The following CR1L variants were observed in gnomAD, a reference collection of about 807,000 sequenced individuals.
The protein encoded by CR1L is complement component receptor 1-like protein.
Under a neutral mutation model 62.3 loss-of-function variants are expected in CR1L, and 59 were observed. The observed-to-expected ratio is 0.95, with a 90% CI of 0.77 to 1.18. The LOEUF (loss-of-function observed/expected upper bound fraction) is 1.18, where lower values mean the gene tolerates loss of function less well. Among genes scored for constraint, CR1L ranks in the 50% most tolerant of loss-of-function variants. The pLI is 0.00. For synonymous variants in CR1L, 279 were observed against 248.7 expected, an observed-to-expected ratio of 1.12 and a Z score of -1.15; for missense variants, 700 against 702.8, an observed-to-expected ratio of 1.00 and a Z score of 0.04.
At chr1:207,695,991 G>A (rs1664096439) in intron 5 of CR1L, among the ~76,000 whole-genome samples, 1 of 152,186 alleles carries the variant, frequency 6.6e-6, no homozygotes, top group African/African-American at 2.4e-5. Flanking sequence ...GGGACACAGA[G>A]ACAAACCATA....
chr1:207,660,453 G>C (rs1663402326), intron 1 of CR1L, among the ~76,000 whole-genome samples: 1 of 152,204 alleles, frequency 6.6e-6, no homozygotes, highest in African/African-American at 2.4e-5. Flanking sequence ...CTGTTAGAAG[G>C]AAAACAAAGA....
At chr1:207,712,977 G>A (rs907084838) in intron 10 of CR1L, among the ~76,000 whole-genome samples, 1 of 152,288 alleles carries the variant, frequency 6.6e-6, no homozygotes, top group Admixed American at 6.5e-5. Flanking sequence ...ATTAATTTAT[G>A]GAAGGGTAGT....
intron 1 of CR1L, among the ~76,000 whole-genome samples, chr1:207,660,922 C>T (rs150948215): frequency 1.5e-3 from 223 of 152,254 alleles, no homozygotes; most frequent in African/African-American, 4.9e-3. Context: ...CATTCAGGAG[C>T]GGGTTGTTCA....
rs149550502 is a variant in CR1L at position 207,716,777 on chromosome 1, T to C, written c.1415-687T>C. On this transcript the variant is annotated intron_variant, in intron 10 of 11. Coordinates refer to ENST00000508064, the MANE Select transcript of CR1L (RefSeq NM_175710.2). ...GTCTTTTATGTACACATAATTCCGATAAACTTGGGTATCTCTTCCTAAATT... is the reference window on the plus strand; with the variant it reads ...GTCTTTTATGTACACATAATTCCGACAAACTTGGGTATCTCTTCCTAAATT... Among the ~76,000 whole-genome samples the C allele has an allele frequency of 5.8e-3, 877 of 152,316 alleles. 6 individuals are homozygous for C. Among genetic ancestry groups the C allele is most frequent in the Non-Finnish European group, 8.0e-3 (546 of 68,018 alleles).
At chr1:207,669,918 C>G (rs996355425) in intron 1 of CR1L, among the ~76,000 whole-genome samples, 6 of 151,132 alleles carry the variant, frequency 4.0e-5, no homozygotes, top group Non-Finnish European at 4.4e-5. Flanking sequence ...CCTAGCGAAA[C>G]GGGACTTGGG....
At chr1:207,685,832 G>C (rs550762886) in intron 4 of CR1L, among the ~76,000 whole-genome samples, 8 of 152,164 alleles carry the variant, frequency 5.3e-5, no homozygotes, top group Non-Finnish European at 8.8e-5. Flanking sequence ...CTTTCAGAGT[G>C]GAATGGCTGT....
At chr1:207,715,662 G>A (rs988370205) in intron 10 of CR1L, among the ~76,000 whole-genome samples, 2 of 151,210 alleles carry the variant, frequency 1.3e-5, no homozygotes, top group Non-Finnish European at 3.0e-5. Context: ...GCACATTTTA[G>A]TCAGTCATTT....
intron 1 of CR1L, among the ~76,000 whole-genome samples, chr1:207,647,969 G>A (rs537424013): frequency 1.2e-3 from 189 of 152,166 alleles, no homozygotes; most frequent in African/African-American, 3.7e-3. Context: ...TACAGCCTGG[G>A]CATCATAAGG....
chr1:207,666,569 GA>G (rs1663526708), intron 1 of CR1L, among the ~76,000 whole-genome samples: 1 of 152,194 alleles, frequency 6.6e-6, no homozygotes, highest in African/African-American at 2.4e-5. Context: ...GATGGATCTA[GA>G]GGCCATTATC....
chr1:207,648,610 CTCAT>C (rs1290520041), intron 1 of CR1L, among the ~76,000 whole-genome samples: 1 of 152,194 alleles, frequency 6.6e-6, no homozygotes, highest in South Asian at 2.1e-4. Flanking sequence ...TCAGGCCAGT[CTCAT>C]TCATTCCTCC....
At chr1:207,677,827 T>G (rs936671398) in intron 2 of CR1L, among the ~76,000 whole-genome samples, 2 of 152,244 alleles carry the variant, frequency 1.3e-5, no homozygotes, top group African/African-American at 4.8e-5. Flanking sequence ...TCTCCCATTT[T>G]CATGACTAAA....
At chr1:207,662,936 T>A (rs1236281506) in intron 1 of CR1L, among the ~76,000 whole-genome samples, 2 of 152,240 alleles carry the variant, frequency 1.3e-5, no homozygotes, top group African/African-American at 4.8e-5. Context: ...TGCCTGGATG[T>A]CAGCAGCGGT....
intron 1 of CR1L, among the ~76,000 whole-genome samples, chr1:207,649,532 T>A (rs562284945): frequency 2.6e-5 from 4 of 152,288 alleles, no homozygotes; most frequent in Admixed American, 2.6e-4. Flanking sequence ...GTAGGCAATT[T>A]CTTGAGGACC....
intron 1 of CR1L, among the ~76,000 whole-genome samples, chr1:207,675,436 G>A (rs1355588268): frequency 6.6e-6 from 1 of 152,178 alleles, no homozygotes; most frequent in Non-Finnish European, 1.5e-5. Flanking sequence ...AGGAAGAATT[G>A]AAGTCATAGC....
At chr1:207,667,260 C>CACATT (rs1160547149) in intron 1 of CR1L, among the ~76,000 whole-genome samples, 1 of 152,200 alleles carries the variant, frequency 6.6e-6, no homozygotes, top group African/African-American at 2.4e-5. Context: ...TCTATTCTTT[C>CACATT]ACATTTCAGG....
intron 9 of CR1L, among the ~76,000 whole-genome samples, chr1:207,707,121 TAA>T (rs748776583): frequency 3.3e-5 from 5 of 152,194 alleles, no homozygotes; most frequent in African/African-American, 9.6e-5. Context: ...GAAAAAATAT[TAA>T]GTTTAATTTC....
At chr1:207,650,533 A>G (rs1184431793) in intron 1 of CR1L, among the ~76,000 whole-genome samples, 5 of 151,742 alleles carry the variant, frequency 3.3e-5, no homozygotes, top group Non-Finnish European at 7.3e-5. Context: ...ATGAGTGGGA[A>G]GTGAGAAATA....
chr1:207,660,291 A>G (rs1663389840), intron 1 of CR1L, among the ~76,000 whole-genome samples: 1 of 152,210 alleles, frequency 6.6e-6, no homozygotes, highest in South Asian at 2.1e-4. Context: ...GACACCTCAC[A>G]CAGGTGGGTG....
chr1:207,657,098 T>G, intron 1 of CR1L: 1 of 660,688 alleles, frequency 1.5e-6, no homozygotes, highest in Non-Finnish European at 2.8e-6. Flanking sequence ...TTTACATTTC[T>G]TTCCTCTTTT....
Sources: gnomAD v4.1 joint callset for allele counts (sites outside exome capture counted in the v4.1 genomes callset) on GRCh38, gnomAD v4.1.1 for gene constraint, MANE v1.5 for transcripts, NCBI Gene and HGNC (gene_info 2026-07-23, HGNC 2026-07-21) for gene names.